The following CHSY3 variants were observed in gnomAD, a reference collection of about 807,000 sequenced individuals.
The protein encoded by CHSY3 is chondroitin sulfate synthase 3.
In CHSY3, 35 loss-of-function variants were observed where a neutral mutation model predicts 67.2. That is an observed-to-expected ratio of 0.52 (90% CI 0.40 to 0.69). CHSY3 has a LOEUF of 0.69. Among genes scored for constraint, CHSY3 ranks in the 30% least tolerant of loss-of-function variants. The probability of loss-of-function intolerance (pLI) is 0.00; values close to 1 mark genes in which losing one functional copy is unlikely to be tolerated. For missense variants in CHSY3, 1,069 were observed against 1,138.5 expected (o/e 0.94, Z 0.88); for synonymous variants, 474 against 434.7 (o/e 1.09, Z -1.12).
At chr5:130,001,212 T>G (rs1763718961) in intron 2 of CHSY3, among the ~76,000 whole-genome samples, 1 of 152,148 alleles carries the variant, frequency 6.6e-6, no homozygotes. Flanking sequence ...CTCAGTAATT[T>G]AGGCAAAGGG....
intron 1 of CHSY3, among the ~76,000 whole-genome samples, chr5:129,907,331 A>G (rs1760344230): frequency 6.6e-6 from 1 of 152,334 alleles, no homozygotes; most frequent in Admixed American, 6.5e-5. Flanking sequence ...GATCAAGATA[A>G]TGACTGCAGA....
chr5:130,027,016 C>A (rs1208592368), intron 2 of CHSY3, among the ~76,000 whole-genome samples: 1 of 152,048 alleles, frequency 6.6e-6, no homozygotes, highest in African/African-American at 2.4e-5. Context: ...ACTAGGGTGT[C>A]GCAACCTCAC....
In CHSY3 at chr5:130,147,873, G is replaced by T. The variant is rs1769117348; in HGVS notation, c.1087-36356G>T. On this transcript the variant is annotated intron_variant, in intron 2 of 2. Transcript: ENST00000305031. ...TTGAGAAGTAATTTTTTAACCTCAAGTTTAAGGGAACATGTGCAGGTTTGT... is the reference window on the plus strand; with the variant it reads ...TTGAGAAGTAATTTTTTAACCTCAATTTTAAGGGAACATGTGCAGGTTTGT... 3.9e-5 allele frequency among the ~76,000 whole-genome samples: 6 copies of T among 152,138 alleles called. No homozygotes were observed. In the South Asian group the frequency reaches 1.2e-3, roughly 32 times the overall value.
At chr5:130,122,204 GC>G in intron 2 of CHSY3, among the ~76,000 whole-genome samples, 1 of 152,066 alleles carries the variant, frequency 6.6e-6, no homozygotes, top group Non-Finnish European at 1.5e-5. Context: ...TGGAAAATCA[GC>G]CTGTGATAAC....
At chr5:130,041,535 TA>T (rs879508894) in intron 2 of CHSY3, among the ~76,000 whole-genome samples, 9 of 152,130 alleles carry the variant, frequency 5.9e-5, no homozygotes, top group Non-Finnish European at 1.0e-4. Context: ...TACTTAGCAC[TA>T]GTCAACATAT....
At chr5:130,072,019 TC>T (rs1275446264) in intron 2 of CHSY3, among the ~76,000 whole-genome samples, 1 of 152,242 alleles carries the variant, frequency 6.6e-6, no homozygotes, top group East Asian at 1.9e-4. Flanking sequence ...TCTGTTTAGA[TC>T]CTTTGCCCAT....
intron 2 of CHSY3, among the ~76,000 whole-genome samples, chr5:129,918,166 T>C (rs944649176): frequency 6.6e-6 from 1 of 152,236 alleles, no homozygotes; most frequent in Non-Finnish European, 1.5e-5. Context: ...CTGATTTTCA[T>C]GGTTCATATA....
intron 2 of CHSY3, among the ~76,000 whole-genome samples, chr5:130,091,777 C>A (rs1766888748): frequency 6.6e-6 from 1 of 152,148 alleles, no homozygotes; most frequent in Non-Finnish European, 1.5e-5. Context: ...ACTCAAAAAG[C>A]ACTTCAGGAA....
rs570010189 is a variant in CHSY3 at position 129,988,267 on chromosome 5, A to G, written c.1086+79907A>G. ...TCTTAGATTCTTTTAATCCTGTTTA[A>G]TCACTCAGGTGATGAGTATGCAGGA... On this transcript the variant is annotated intron_variant, in intron 2 of 2. Transcript: ENST00000305031. Among the ~76,000 whole-genome samples the G allele has an allele frequency of 1.9e-3, 292 of 152,336 alleles. 1 individual carries two copies. The highest frequency in any genetic ancestry group is 6.8e-3 in the African/African-American group (282 of 41,594).
chr5:130,039,669 G>T (rs376852110), intron 2 of CHSY3, among the ~76,000 whole-genome samples: 1 of 151,996 alleles, frequency 6.6e-6, no homozygotes, highest in African/African-American at 2.4e-5. Context: ...GTAGAGACTG[G>T]GTTTCACTAT....
At chr5:129,941,814 C>T (rs1440543032) in intron 2 of CHSY3, among the ~76,000 whole-genome samples, 1 of 152,114 alleles carries the variant, frequency 6.6e-6, no homozygotes, top group Non-Finnish European at 1.5e-5. Context: ...ACCACACACC[C>T]CAGAAACCAG....
At chr5:129,948,513 A>G (rs961678371) in intron 2 of CHSY3, among the ~76,000 whole-genome samples, 2 of 152,164 alleles carry the variant, frequency 1.3e-5, no homozygotes, top group Admixed American at 6.5e-5. Flanking sequence ...TGTGAATGCC[A>G]TTGTATTGTT....
At chr5:130,107,304 C>T (rs1767441179) in intron 2 of CHSY3, among the ~76,000 whole-genome samples, 1 of 151,346 alleles carries the variant, frequency 6.6e-6, no homozygotes, top group East Asian at 1.9e-4. Flanking sequence ...ACCTTCTTCA[C>T]AATGTTACTA....
At chr5:130,163,288 A>G (rs544526738) in intron 2 of CHSY3, among the ~76,000 whole-genome samples, 3 of 152,354 alleles carry the variant, frequency 2.0e-5, no homozygotes, top group East Asian at 1.9e-4. Context: ...TTAACCAAGA[A>G]TAAAGCACAT....
At chr5:130,099,959 T>A (rs184219400) in intron 2 of CHSY3, among the ~76,000 whole-genome samples, 115 of 152,002 alleles carry the variant, frequency 7.6e-4, no homozygotes, top group African/African-American at 2.6e-3. Flanking sequence ...TCCCTGGGTA[T>A]CTTGTCTCCA....
chr5:130,012,609 G>C (rs1327456959), intron 2 of CHSY3, among the ~76,000 whole-genome samples: 2 of 152,154 alleles, frequency 1.3e-5, no homozygotes, highest in South Asian at 4.1e-4. Flanking sequence ...GGAAATTCCA[G>C]ATGCTTATAA....
chr5:130,166,302 T>G (rs967058494), intron 2 of CHSY3, among the ~76,000 whole-genome samples: 1 of 152,148 alleles, frequency 6.6e-6, no homozygotes, highest in East Asian at 1.9e-4. Flanking sequence ...CAAATTGTTC[T>G]TTACTCTTTT....
At chr5:130,028,701 C>G (rs1056722054) in intron 2 of CHSY3, among the ~76,000 whole-genome samples, 1 of 151,980 alleles carries the variant, frequency 6.6e-6, no homozygotes, top group Admixed American at 6.6e-5. Flanking sequence ...AAATCTCTGT[C>G]TCTGTCTCTC....
At chr5:130,152,782 G>A (rs1769266711) in intron 2 of CHSY3, among the ~76,000 whole-genome samples, 1 of 152,136 alleles carries the variant, frequency 6.6e-6, no homozygotes, top group Admixed American at 6.5e-5. Flanking sequence ...TCTGTAAAAT[G>A]GCCTTCTTTC....
Sources: gnomAD v4.1 joint callset for allele counts (sites outside exome capture counted in the v4.1 genomes callset) on GRCh38, gnomAD v4.1.1 for gene constraint, MANE v1.5 for transcripts, NCBI Gene and HGNC (gene_info 2026-07-23, HGNC 2026-07-21) for gene names.